SH3GL3: variants seen among roughly 807,000 people sequenced by gnomAD.
The protein encoded by SH3GL3 is SH3 domain containing GRB2 like 3, endophilin A3.
A neutral mutation model predicts 47.7 loss-of-function variants in SH3GL3; 33 were observed. The ratio of observed to expected loss-of-function variants is 0.69; its 90% CI spans 0.52 to 0.92. SH3GL3 has a LOEUF of 0.92. SH3GL3 is among the 40% of genes least tolerant of loss of function. The pLI is 0.00. For missense variants in SH3GL3, 363 were observed against 417.8 expected (o/e 0.87, Z 1.14); for synonymous variants, 155 against 148.8 (o/e 1.04, Z -0.30).
intron 1 of SH3GL3, among the ~76,000 whole-genome samples, chr15:83,545,585 A>T (rs1596227039): frequency 1.3e-5 from 2 of 152,278 alleles, no homozygotes; most frequent in Admixed American, 1.3e-4. Flanking sequence ...GTGGATGTTC[A>T]TTCATGTCTG....
chr15:83,591,549 C>A (rs756923421), intron 8 of SH3GL3, among the ~76,000 whole-genome samples: 2 of 151,304 alleles, frequency 1.3e-5, no homozygotes, highest in Admixed American at 1.3e-4. Context: ...TGGTAATATA[C>A]GTATGTGGTT....
chr15:83,465,182 T>C (rs1313404058), intron 1 of SH3GL3, among the ~76,000 whole-genome samples: 1 of 151,626 alleles, frequency 6.6e-6, no homozygotes. Flanking sequence ...TGGTGGTGTG[T>C]GTCTGTAATC....
chr15:83,496,523 G>A lies in SH3GL3; in HGVS notation c.45+48945G>A, dbSNP rs181675763. On this transcript the variant is annotated intron_variant, in intron 1 of 8. Transcript: ENST00000427482. ...GGATATATATAGCCCTACATCACAC[G>A]GTTTATAAGTTGGCAGATCCAGGAC... Among the ~76,000 whole-genome samples the A allele has an allele frequency of 3.4e-4, 51 of 152,174 alleles. No homozygotes were observed. In the East Asian group the frequency reaches 5.6e-3, roughly 17 times the overall value.
chr15:83,500,600 G>C (rs891535198), intron 1 of SH3GL3, among the ~76,000 whole-genome samples: 2 of 152,268 alleles, frequency 1.3e-5, no homozygotes, highest in African/African-American at 4.8e-5. Flanking sequence ...GTGAAACCCG[G>C]AAGTGTTGGG....
intron 1 of SH3GL3, among the ~76,000 whole-genome samples, chr15:83,534,555 G>C (rs1188183173): frequency 1.3e-5 from 2 of 152,074 alleles, no homozygotes. Context: ...AATGGGAAAA[G>C]AACACTTGAC....
In SH3GL3 at chr15:83,616,734, G is replaced by C. The variant is rs186633451; in HGVS notation, c.839-1348G>C. Among the ~76,000 whole-genome samples the C allele has an allele frequency of 2.1e-4, 32 of 151,716 alleles. No individual in the cohort carries two copies. The East Asian group carries it at 3.7e-3, about 17-fold the overall frequency. On this transcript the variant is annotated intron_variant, in intron 8 of 8. Transcript: ENST00000427482. ...AAAGAATTGTCTATAAAAGCCAAGGGGGAATAAAAGAGACAACAGAAAGAA... is the reference window on the plus strand; with the variant it reads ...AAAGAATTGTCTATAAAAGCCAAGGCGGAATAAAAGAGACAACAGAAAGAA...
chr15:83,476,519 A>G (rs185713087), intron 1 of SH3GL3, among the ~76,000 whole-genome samples: 5 of 152,374 alleles, frequency 3.3e-5, no homozygotes, highest in Admixed American at 3.3e-4. Flanking sequence ...TGGGCCAGAT[A>G]TGGCCCACTG....
chr15:83,579,091 A>G, intron 6 of SH3GL3, among the ~76,000 whole-genome samples: 1 of 152,228 alleles, frequency 6.6e-6, no homozygotes, highest in South Asian at 2.1e-4. Context: ...AGTATCAGTC[A>G]AAAGTCAAAA....
At chr15:83,519,121 C>T (rs1166548346) in intron 1 of SH3GL3, among the ~76,000 whole-genome samples, 2 of 152,126 alleles carry the variant, frequency 1.3e-5, no homozygotes, top group African/African-American at 4.8e-5. Flanking sequence ...CAGCTTTGTT[C>T]TTTTTGCTGG....
In SH3GL3 at chr15:83,572,695, CG is replaced by C. The variant is rs1566999680; in HGVS notation, c.465+1del. 5 of 1,605,354 alleles carry C rather than the reference CG, an allele frequency of 3.1e-6. No individual in the cohort carries two copies. Among genetic ancestry groups the C allele is most frequent in the Non-Finnish European group, 4.3e-6 (5 of 1,173,364 alleles). On this transcript the variant is annotated frameshift_variant and splice_region_variant, in exon 5 of 9. Coordinates refer to ENST00000427482, the MANE Select transcript of SH3GL3 (RefSeq NM_003027.5). LOFTEE classifies it high-confidence loss of function. ...LLQDKDLKEI[G>X]HHLKKLEGRR... ...TACAAGATAAAGATTTAAAAGAGAT[CG>C]GGGTAAGTCTTCCAGGGTATAAATA...
At chr15:83,519,532 C>G (rs1437518718) in intron 1 of SH3GL3, among the ~76,000 whole-genome samples, 1 of 152,208 alleles carries the variant, frequency 6.6e-6, no homozygotes, top group Non-Finnish European at 1.5e-5. Context: ...TGAAACTTTA[C>G]TGAAGTTGCT....
At chr15:83,563,224 A>G (rs1596266771) in intron 2 of SH3GL3, among the ~76,000 whole-genome samples, 2 of 152,188 alleles carry the variant, frequency 1.3e-5, no homozygotes, top group East Asian at 3.9e-4. Flanking sequence ...TTGAATGTCG[A>G]TCTTCCTTAT....
chr15:83,573,280 TGGATA>T (rs1394687166), intron 5 of SH3GL3, among the ~76,000 whole-genome samples: 1 of 152,360 alleles, frequency 6.6e-6, no homozygotes, highest in East Asian at 1.9e-4. Flanking sequence ...CACCGTCTTA[TGGATA>T]TGTACAGAAG....
intron 2 of SH3GL3, among the ~76,000 whole-genome samples, chr15:83,561,176 T>C (rs768945129): frequency 2.6e-5 from 4 of 152,150 alleles, no homozygotes; most frequent in Non-Finnish European, 5.9e-5. Context: ...AAATGGAGAA[T>C]GTGCATATTT....
At chr15:83,556,921 G>A (rs1272636790) in intron 1 of SH3GL3, among the ~76,000 whole-genome samples, 2 of 152,208 alleles carry the variant, frequency 1.3e-5, no homozygotes. Context: ...TCTGATCCAC[G>A]TGGTCTTTCA....
chr15:83,560,810 A>G (rs1478505502), intron 2 of SH3GL3, among the ~76,000 whole-genome samples: 1 of 152,224 alleles, frequency 6.6e-6, no homozygotes, highest in Non-Finnish European at 1.5e-5. Flanking sequence ...ATATTCTATA[A>G]TTAATGCTAA....
intron 8 of SH3GL3, among the ~76,000 whole-genome samples, chr15:83,608,885 C>G (rs1395465939): frequency 2.0e-5 from 3 of 152,028 alleles, no homozygotes; most frequent in Non-Finnish European, 2.9e-5. Flanking sequence ...GGCATGGACT[C>G]CCCTCATCAA....
Position 83,576,084 on chromosome 15 carries a change from A to C in SH3GL3, c.466-499A>C, listed in dbSNP as rs188352162. Among the ~76,000 whole-genome samples, 222 of 152,316 alleles carry C rather than the reference A, an allele frequency of 1.5e-3. 1 individual carries two copies. The highest frequency in any genetic ancestry group is 0.013 in the Admixed American group (206 of 15,298). ...GCATTCATTAACAGCGTTTTACGCA[A>C]CTTATTTCTTGATTGTTTGGGAACT... On this transcript the variant is annotated intron_variant, in intron 5 of 8. Coordinates refer to ENST00000427482, the MANE Select transcript of SH3GL3 (RefSeq NM_003027.5).
intron 1 of SH3GL3, among the ~76,000 whole-genome samples, chr15:83,476,386 A>G (rs1383046526): frequency 6.6e-6 from 1 of 152,196 alleles, no homozygotes; most frequent in East Asian, 1.9e-4. Flanking sequence ...CCTTTTCTCC[A>G]TGATTCTGAA....
Sources: allele counts gnomAD v4.1 joint callset (sites outside exome capture counted in the v4.1 genomes callset), GRCh38; gene constraint gnomAD v4.1.1; transcripts MANE v1.5; gene names NCBI Gene and HGNC (gene_info 2026-07-23, HGNC 2026-07-21).